The following SCN2A variants were observed in gnomAD, a reference collection of about 807,000 sequenced individuals.
The protein encoded by SCN2A is sodium voltage-gated channel alpha subunit 2.
A neutral mutation model predicts 188.7 loss-of-function variants in SCN2A; 20 were observed. That is an observed-to-expected ratio of 0.11 (90% CI 0.07 to 0.15). The LOEUF (loss-of-function observed/expected upper bound fraction) is 0.15, where lower values mean the gene tolerates loss of function less well. Ranked by LOEUF, SCN2A falls within the 10% of genes least tolerant of loss-of-function variation. The probability of loss-of-function intolerance (pLI) is 1.00; values close to 1 mark genes in which losing one functional copy is unlikely to be tolerated. For synonymous variants in SCN2A, 804 were observed against 833.1 expected, an observed-to-expected ratio of 0.97 and a Z score of 0.60; for missense variants, 1,278 against 2,445.0, an observed-to-expected ratio of 0.52 and a Z score of 10.07.
At chr2:165,348,445 G>C (rs1228657319) in intron 16 of SCN2A, among the ~76,000 whole-genome samples, 1 of 151,476 alleles carries the variant, frequency 6.6e-6, no homozygotes, top group Non-Finnish European at 1.5e-5. Context: ...GATAGAGAAA[G>C]GGGAAGGGAA....
rs558786151 is a variant in SCN2A, at chr2:165,274,572, C to G, written c.-51-21201C>G. On this transcript the variant is annotated intron_variant, in intron 1 of 26. Transcript: ENST00000375437. ...CACGAAAACAAAAGAACATTTTGTA[C>G]AAATACCTGATGTGTAGCTATATCA... 7.7e-4 allele frequency among the ~76,000 whole-genome samples: 117 copies of G among 152,278 alleles called. 1 individual carries two copies. Among genetic ancestry groups the G allele is most frequent in the Non-Finnish European group, 1.5e-3 (104 of 68,016 alleles).
chr2:165,275,078 C>A (rs1268777770), intron 1 of SCN2A, among the ~76,000 whole-genome samples: 3 of 152,232 alleles, frequency 2.0e-5, no homozygotes, highest in Non-Finnish European at 4.4e-5. Flanking sequence ...TCACTGCTAC[C>A]TGCTCTACTT....
At chr2:165,309,257 G>A (rs1697300853) in intron 5 of SCN2A, 95 bp from the exon 6 acceptor site, 1 of 1,613,482 alleles carries the variant, frequency 6.2e-7, no homozygotes, top group Non-Finnish European at 8.5e-7. Flanking sequence ...GTAATTCCAG[G>A]TAAGAAGAAA....
chr2:165,246,478 G>A (rs919346625), intron 1 of SCN2A, among the ~76,000 whole-genome samples: 3 of 151,900 alleles, frequency 2.0e-5, no homozygotes, highest in East Asian at 3.9e-4. Context: ...CCTTTCTAGC[G>A]CATTTCATCT....
intron 1 of SCN2A, among the ~76,000 whole-genome samples, chr2:165,260,705 G>A (rs796376302): frequency 2.0e-5 from 3 of 152,096 alleles, no homozygotes; most frequent in African/African-American, 7.2e-5. Flanking sequence ...GGTGGCTCAT[G>A]CCTGTAATCT....
At chr2:165,333,892 A>C (rs1313464208) in intron 14 of SCN2A, among the ~76,000 whole-genome samples, 4 of 151,404 alleles carry the variant, frequency 2.6e-5, no homozygotes, top group Non-Finnish European at 4.4e-5. Context: ...CAAGAAAAAA[A>C]GAGGAAAGAC....
At chr2:165,361,184 T>C (rs953897751) in intron 17 of SCN2A, among the ~76,000 whole-genome samples, 3 of 152,094 alleles carry the variant, frequency 2.0e-5, no homozygotes, top group African/African-American at 7.2e-5. Flanking sequence ...AATCAGAATT[T>C]CCTGCCTATG....
intron 20 of SCN2A, chr2:165,372,556 A>G (rs941917958): frequency 7.9e-5 from 12 of 151,998 alleles, no homozygotes; most frequent in African/African-American, 2.9e-4. Context: ...TTTAGCTAAG[A>G]CTTTATAATT....
chr2:165,375,819 G>T (rs1047208842), intron 22 of SCN2A, among the ~76,000 whole-genome samples: 1 of 146,688 alleles, frequency 6.8e-6, no homozygotes, highest in East Asian at 2.0e-4. Flanking sequence ...GTGTATACAC[G>T]CACACACACA....
At chr2:165,344,130 G>A (rs1479043099) in intron 15 of SCN2A, among the ~76,000 whole-genome samples, 2 of 152,036 alleles carry the variant, frequency 1.3e-5, no homozygotes, top group East Asian at 1.9e-4. Flanking sequence ...AGAAACAAAA[G>A]TGTATATTAC....
chr2:165,255,367 A>G (rs1694268379), intron 1 of SCN2A, among the ~76,000 whole-genome samples: 1 of 152,044 alleles, frequency 6.6e-6, no homozygotes, highest in Admixed American at 6.5e-5. Context: ...AGATAAAAAT[A>G]TTGTTTTTTC....
chr2:165,370,046 GCAT>G, intron 19 of SCN2A, 77 bp from the exon 20 acceptor site: 1 of 1,253,302 alleles, frequency 8.0e-7, no homozygotes. Context: ...ATAAGAGCTT[GCAT>G]CGTTTCCTTT....
intron 1 of SCN2A, among the ~76,000 whole-genome samples, chr2:165,287,876 G>A (rs1024612534): frequency 6.6e-6 from 1 of 152,150 alleles, no homozygotes; most frequent in African/African-American, 2.4e-5. Context: ...GGTATCTGCT[G>A]TCCACAGCTC....
At chr2:165,284,667 G>C (rs1283350702) in intron 1 of SCN2A, among the ~76,000 whole-genome samples, 3 of 152,078 alleles carry the variant, frequency 2.0e-5, no homozygotes, top group African/African-American at 7.2e-5. Flanking sequence ...GGAAAACTGA[G>C]CTGGAAATAT....
chr2:165,343,464 C>T (rs1699417508), intron 15 of SCN2A, among the ~76,000 whole-genome samples: 2 of 152,166 alleles, frequency 1.3e-5, no homozygotes, highest in African/African-American at 4.8e-5. Context: ...AGTAAACCTT[C>T]ATGATAGTGT....
At chr2:165,346,080 T>A (rs1699569740) in intron 16 of SCN2A, among the ~76,000 whole-genome samples, 1 of 152,350 alleles carries the variant, frequency 6.6e-6, no homozygotes, top group South Asian at 2.1e-4. Flanking sequence ...AGAGATCTGC[T>A]GTTAGTCTGG....
chr2:165,385,199 C>T (rs1701807048), intron 25 of SCN2A, among the ~76,000 whole-genome samples: 2 of 152,194 alleles, frequency 1.3e-5, no homozygotes, highest in East Asian at 1.9e-4. Flanking sequence ...GATGTAGAAT[C>T]CAGGCCACTA....
chr2:165,366,860 A>C (rs1035665943), intron 18 of SCN2A, among the ~76,000 whole-genome samples: 1 of 152,174 alleles, frequency 6.6e-6, no homozygotes, highest in South Asian at 2.1e-4. Context: ...TCAGAATTCA[A>C]ATATGTAAAG....
Position 165,307,875 on chromosome 2 carries a change from G to C in SCN2A, c.414G>C (p.Thr138=). ...HSLFNMLIMC[T]ILTNCVFMTM... ...TATTCAATATGCTCATTATGTGCAC[G>C]ATTCTTACCAACTGTGTATTTATGA... Residue 138 remains threonine, a synonymous_variant, in exon 4 of 27, where the codon ACG becomes ACC. Transcript: ENST00000375437. The C allele has an allele frequency of 6.2e-7, 1 of 1,610,916 alleles. No individual in the cohort carries two copies. Among genetic ancestry groups the C allele is most frequent in the Non-Finnish European group, 8.5e-7 (1 of 1,177,282 alleles).
Sources: gnomAD v4.1 joint callset for allele counts (sites outside exome capture counted in the v4.1 genomes callset) on GRCh38, gnomAD v4.1.1 for gene constraint, MANE v1.5 for transcripts, NCBI Gene and HGNC (gene_info 2026-07-23, HGNC 2026-07-21) for gene names.